SYT14: variants seen among roughly 807,000 people sequenced by gnomAD.
The protein encoded by SYT14 is synaptotagmin 14, also known as synaptotagmin-14.
SYT14 carries 32 observed loss-of-function variants against 74.2 expected under a neutral mutation model. The ratio of observed to expected loss-of-function variants is 0.43; its 90% CI spans 0.33 to 0.58. The LOEUF (loss-of-function observed/expected upper bound fraction) is 0.58, where lower values mean the gene tolerates loss of function less well. SYT14 is among the 20% of genes least tolerant of loss of function. The pLI is 0.05. For missense variants in SYT14, 791 were observed against 981.8 expected (o/e 0.81, Z 2.60); for synonymous variants, 298 against 337.7 (o/e 0.88, Z 1.29).
At chr1:209,955,206 G>C (rs182703006) in intron 2 of SYT14, among the ~76,000 whole-genome samples, 3 of 152,240 alleles carry the variant, frequency 2.0e-5, no homozygotes, top group Admixed American at 6.5e-5. Flanking sequence ...GTTCTTGGCT[G>C]TCTGAGCTCC....
intron 7 of SYT14, among the ~76,000 whole-genome samples, chr1:210,132,341 G>A (rs1022473533): frequency 5.9e-5 from 9 of 151,996 alleles, no homozygotes; most frequent in East Asian, 1.9e-4. Context: ...GGTGTGCCAC[G>A]TGCCACTCCT....
intron 5 of SYT14, among the ~76,000 whole-genome samples, chr1:210,059,114 C>A (rs1282091980): frequency 6.6e-6 from 1 of 151,810 alleles, no homozygotes; most frequent in Non-Finnish European, 1.5e-5. Flanking sequence ...TAAGTTAGAC[C>A]TGGGAATGGA....
rs544712550 is a variant in SYT14, at chr1:210,069,909, T to A, written c.1313-24413T>A. On this transcript the variant is annotated intron_variant, in intron 5 of 9. Coordinates refer to ENST00000637265, the Ensembl canonical transcript of SYT14. ...GATGGTTTCTGCATTTGATGGCATC[T>A]CTCTCTGGAAATAACCTCAGGAAAG... Among the ~76,000 whole-genome samples, 5 of 152,004 alleles carry A rather than the reference T, an allele frequency of 3.3e-5. No individual in the cohort carries two copies. The South Asian group carries it at 1.0e-3, about 32-fold the overall frequency.
At chr1:210,137,443 A>G (rs1296136577) in intron 7 of SYT14, among the ~76,000 whole-genome samples, 1 of 152,184 alleles carries the variant, frequency 6.6e-6, no homozygotes, top group Non-Finnish European at 1.5e-5. Flanking sequence ...CAAAAACAGA[A>G]TAAGGGATTT....
chr1:209,999,813 AGAAG>A (rs1205051950), intron 2 of SYT14, among the ~76,000 whole-genome samples: 1 of 152,170 alleles, frequency 6.6e-6, no homozygotes, highest in Non-Finnish European at 1.5e-5. Flanking sequence ...ATAGTTAAAT[AGAAG>A]GAATAAGTTC....
chr1:210,138,731 T>C (rs184599783), intron 7 of SYT14, among the ~76,000 whole-genome samples: 45 of 152,314 alleles, frequency 3.0e-4, no homozygotes, highest in African/African-American at 1.1e-3. Flanking sequence ...TTCTTTAAAA[T>C]ATAAGCAATC....
intron 5 of SYT14, among the ~76,000 whole-genome samples, chr1:210,023,602 A>G (rs1241614186): frequency 6.6e-6 from 1 of 152,072 alleles, no homozygotes. Context: ...TCGGCCTCCC[A>G]AAGTGCTGGG....
intron 5 of SYT14, among the ~76,000 whole-genome samples, chr1:210,080,501 T>G (rs1454911073): frequency 6.6e-6 from 1 of 152,192 alleles, no homozygotes; most frequent in Non-Finnish European, 1.5e-5. Flanking sequence ...AAATATAGTG[T>G]GAGTTCATGA....
At chr1:209,998,202 C>T (rs2079832776) in intron 2 of SYT14, among the ~76,000 whole-genome samples, 1 of 151,772 alleles carries the variant, frequency 6.6e-6, no homozygotes, top group Non-Finnish European at 1.5e-5. Flanking sequence ...ATCACATTAA[C>T]CACAGGTATG....
chr1:209,959,031 TATAACCC>T (rs2079035127), intron 2 of SYT14, among the ~76,000 whole-genome samples: 1 of 152,200 alleles, frequency 6.6e-6, no homozygotes, highest in Non-Finnish European at 1.5e-5. Context: ...AGAGTTACCA[TATAACCC>T]AGCAATTAAT....
At chr1:210,006,506 A>G (rs959485499) in intron 2 of SYT14, among the ~76,000 whole-genome samples, 7 of 152,042 alleles carry the variant, frequency 4.6e-5, no homozygotes, top group Non-Finnish European at 4.4e-5. Context: ...TTTTTCAATG[A>G]AAGTTGACTT....
At chr1:210,066,651 A>G (rs2081301466) in intron 5 of SYT14, among the ~76,000 whole-genome samples, 2 of 152,164 alleles carry the variant, frequency 1.3e-5, no homozygotes, top group African/African-American at 4.8e-5. Flanking sequence ...GTAGGTTGCA[A>G]AAATGTTCTC....
chr1:210,059,451 T>TATATATATATATAGAGAGAGAGAG (rs377050610), intron 5 of SYT14, among the ~76,000 whole-genome samples: 13 of 69,898 alleles, frequency 1.9e-4, no homozygotes, highest in African/African-American at 4.7e-4. Flanking sequence ...TATATATATA[T>TATATATATATATAGAGAGAGAGAG]AGAGAGAGAG....
At chr1:210,048,271 A>G (rs565348851) in intron 5 of SYT14, among the ~76,000 whole-genome samples, 3 of 152,312 alleles carry the variant, frequency 2.0e-5, no homozygotes, top group South Asian at 4.1e-4. Flanking sequence ...ACCGACTCCC[A>G]CATCTTTTTG....
chr1:210,060,910 A>G (rs187849736), intron 5 of SYT14, among the ~76,000 whole-genome samples: 39 of 152,164 alleles, frequency 2.6e-4, no homozygotes, highest in South Asian at 8.3e-4. Flanking sequence ...TAAACTCCTA[A>G]TTAAATTCAG....
chr1:210,100,520 A>G, intron 7 of SYT14, 59 bp downstream of exon 6: 1 of 1,537,574 alleles, frequency 6.5e-7, no homozygotes. Context: ...TAGTATGCAC[A>G]ATTTTAAAAA....
At chr1:210,141,711 G>T (rs1314930440) in intron 7 of SYT14, among the ~76,000 whole-genome samples, 1 of 152,184 alleles carries the variant, frequency 6.6e-6, no homozygotes, top group Non-Finnish European at 1.5e-5. Context: ...TTGCTGAGGG[G>T]TTCTGTGTAT....
At chr1:210,145,056 T>A (rs1378276217) in intron 7 of SYT14, among the ~76,000 whole-genome samples, 1 of 152,216 alleles carries the variant, frequency 6.6e-6, no homozygotes, top group Non-Finnish European at 1.5e-5. Context: ...AAGCACAATG[T>A]GTAGTTCTTA....
At chr1:210,121,805 AAAG>A (rs1014377277) in intron 7 of SYT14, among the ~76,000 whole-genome samples, 9 of 151,842 alleles carry the variant, frequency 5.9e-5, no homozygotes, top group Non-Finnish European at 8.8e-5. Context: ...AAAAAAAAAA[AAAG>A]AAGAAAGAAA....
Sources: allele counts gnomAD v4.1 joint callset (sites outside exome capture counted in the v4.1 genomes callset), GRCh38; gene constraint gnomAD v4.1.1; transcripts MANE v1.5; gene names NCBI Gene and HGNC (gene_info 2026-07-23, HGNC 2026-07-21).